The following MEI4 variants were observed in gnomAD, a reference collection of about 807,000 sequenced individuals.
MEI4 encodes the protein meiotic double-stranded break formation protein 4.
In MEI4, 27 loss-of-function variants were observed where a neutral mutation model predicts 31.4. The ratio of observed to expected loss-of-function variants is 0.86; its 90% CI spans 0.63 to 1.19. The LOEUF is 1.19. Among genes scored for constraint, MEI4 ranks in the 50% most tolerant of loss-of-function variants. The pLI, the probability that MEI4 is intolerant of heterozygous loss-of-function variation, is 0.00. For synonymous variants in MEI4, 122 were observed against 145.4 expected (o/e 0.84, Z 1.16); for missense variants, 329 against 398.9 (o/e 0.82, Z 1.49).
chr6:77,736,608 G>C (rs750626342), intron 2 of MEI4, among the ~76,000 whole-genome samples: 14 of 152,218 alleles, frequency 9.2e-5, no homozygotes, highest in African/African-American at 1.4e-4. Flanking sequence ...CGTCGCTCAT[G>C]CTGGGAGCTG....
intron 3 of MEI4, among the ~76,000 whole-genome samples, chr6:77,765,255 A>G (rs558489861): frequency 6.7e-6 from 1 of 149,694 alleles, no homozygotes; most frequent in South Asian, 2.1e-4. Context: ...AAGTGATTAT[A>G]TCTTATTTTC....
intron 4 of MEI4, among the ~76,000 whole-genome samples, chr6:77,865,309 T>C (rs1582231259): frequency 1.3e-5 from 2 of 150,284 alleles, no homozygotes; most frequent in South Asian, 2.1e-4. Flanking sequence ...TTTTTGAAAA[T>C]ATCAAAATTG....
chr6:77,709,353 T>C (rs1766405505), intron 2 of MEI4, among the ~76,000 whole-genome samples: 1 of 152,144 alleles, frequency 6.6e-6, no homozygotes, highest in African/African-American at 2.4e-5. Context: ...CTGGATTCCA[T>C]GAGATCTTGT....
At chr6:77,741,517 C>T (rs915573112) in intron 2 of MEI4, among the ~76,000 whole-genome samples, 3 of 152,104 alleles carry the variant, frequency 2.0e-5, no homozygotes, top group African/African-American at 7.2e-5. Context: ...TAGGGAAGGA[C>T]AGATTCAGAT....
intron 4 of MEI4, among the ~76,000 whole-genome samples, chr6:77,829,606 C>T (rs895048374): frequency 1.3e-5 from 2 of 152,162 alleles, no homozygotes; most frequent in Non-Finnish European, 2.9e-5. Context: ...GACCACTGCT[C>T]TAAGCCCTTT....
intron 4 of MEI4, among the ~76,000 whole-genome samples, chr6:77,918,083 T>C (rs1462718395): frequency 1.3e-5 from 2 of 150,890 alleles, no homozygotes; most frequent in Non-Finnish European, 3.0e-5. Context: ...GTTGTAGATA[T>C]GTGGCGTTAT....
At chr6:77,672,212 CT>C (rs996395676) in intron 1 of MEI4, among the ~76,000 whole-genome samples, 2 of 152,160 alleles carry the variant, frequency 1.3e-5, no homozygotes, top group Non-Finnish European at 2.9e-5. Context: ...AGAGAGTTGA[CT>C]TTAGACCTAT....
intron 3 of MEI4, among the ~76,000 whole-genome samples, chr6:77,814,652 A>T (rs1392776624): frequency 6.6e-6 from 1 of 152,102 alleles, no homozygotes; most frequent in Non-Finnish European, 1.5e-5. Flanking sequence ...TAGCTACTCT[A>T]TGTTCACCTT....
In MEI4 at chr6:77,821,274, A is replaced by G. The variant is rs1313859213; in HGVS notation, c.769-7657A>G. On this transcript the variant is annotated intron_variant, in intron 3 of 4. Transcript: ENST00000684080. Reference sequence around the variant, plus strand: ...TTAAAAATTTTTTATTATTTAACAGATTTCAAGTTTACTTGGTCAACTTTT... The same window carrying G: ...TTAAAAATTTTTTATTATTTAACAGGTTTCAAGTTTACTTGGTCAACTTTT... Among the ~76,000 whole-genome samples, 4 of 152,248 alleles carry G rather than the reference A, an allele frequency of 2.6e-5. No homozygotes were observed. In the East Asian group the frequency reaches 7.7e-4, roughly 29 times the overall value.
chr6:77,821,983 T>G (rs1182400763), intron 3 of MEI4, among the ~76,000 whole-genome samples: 2 of 152,258 alleles, frequency 1.3e-5, no homozygotes, highest in Admixed American at 6.5e-5. Context: ...TTTGAAAATT[T>G]TGTGCTGGTG....
intron 4 of MEI4, among the ~76,000 whole-genome samples, chr6:77,911,625 T>C (rs1345633263): frequency 6.6e-6 from 1 of 151,656 alleles, no homozygotes; most frequent in Admixed American, 6.6e-5. Flanking sequence ...GCATTTGCAC[T>C]GCTGCAAAAG....
chr6:77,803,171 C>A (rs1328409145), intron 3 of MEI4, among the ~76,000 whole-genome samples: 1 of 152,150 alleles, frequency 6.6e-6, no homozygotes, highest in Non-Finnish European at 1.5e-5. Flanking sequence ...TTGTTCATTT[C>A]TTTTTATACT....
chr6:77,688,984 C>G (rs1769109470), intron 1 of MEI4, among the ~76,000 whole-genome samples: 1 of 151,974 alleles, frequency 6.6e-6, no homozygotes, highest in Admixed American at 6.6e-5. Context: ...TTGACAGTAT[C>G]TAGTCCTTAG....
chr6:77,693,114 C>T (rs1304287005), intron 2 of MEI4, among the ~76,000 whole-genome samples: 2 of 151,982 alleles, frequency 1.3e-5, no homozygotes, highest in Non-Finnish European at 2.9e-5. Context: ...ATCATGAAAA[C>T]CCAGTAACTT....
chr6:77,713,349 G>A (rs1162606672), intron 2 of MEI4, among the ~76,000 whole-genome samples: 1 of 151,126 alleles, frequency 6.6e-6, no homozygotes, highest in Non-Finnish European at 1.5e-5. Flanking sequence ...TAATTCCTTA[G>A]CAGCAGAAGA....
Position 77,847,879 on chromosome 6 carries a change from C to G in MEI4, c.900+18817C>G, listed in dbSNP as rs1770525774. Among the ~76,000 whole-genome samples the G allele has an allele frequency of 6.6e-6, 1 of 151,910 alleles. No homozygotes were observed. The highest frequency in any genetic ancestry group is 1.5e-5 in the Non-Finnish European group (1 of 68,000). ...TCTGTAATCAATAACTCTTACTGACCCTGAAACTCACATTACTTGTTTTCC... is the reference window on the plus strand; with the variant it reads ...TCTGTAATCAATAACTCTTACTGACGCTGAAACTCACATTACTTGTTTTCC... On this transcript the variant is annotated intron_variant, in intron 4 of 4. Transcript: ENST00000684080. This position sits in a 1 kb window ranked among gnomAD's most constrained non-coding sequence, Gnocchi z 4.6.
intron 4 of MEI4, among the ~76,000 whole-genome samples, chr6:77,834,853 G>A (rs555275442): frequency 3.3e-5 from 5 of 152,148 alleles, no homozygotes; most frequent in South Asian, 2.1e-4. Context: ...TAAAGTACCC[G>A]GTAGGACAAA....
intron 3 of MEI4, among the ~76,000 whole-genome samples, chr6:77,822,086 C>G (rs546177237): frequency 6.6e-6 from 1 of 151,920 alleles, no homozygotes; most frequent in African/African-American, 2.4e-5. Flanking sequence ...TTTTCTTTTT[C>G]TTTTGACCAT....
At chr6:77,817,240 GGTTGAACTT>G (rs1554167086) in intron 3 of MEI4, among the ~76,000 whole-genome samples, 1 of 152,064 alleles carries the variant, frequency 6.6e-6, no homozygotes, top group Non-Finnish European at 1.5e-5. Context: ...GCAGAAACTT[GGTTGAACTT>G]GTTCTTCACA....
Sources: gnomAD v4.1 joint callset for allele counts (sites outside exome capture counted in the v4.1 genomes callset) on GRCh38, gnomAD v4.1.1 for gene constraint, Gnocchi (gnomAD v3.1) non-coding constraint, MANE v1.5 for transcripts, NCBI Gene and HGNC (gene_info 2026-07-23, HGNC 2026-07-21) for gene names.